GRIA2: variants seen among roughly 807,000 people sequenced by gnomAD.
GRIA2 encodes glutamate ionotropic receptor AMPA type subunit 2.
In GRIA2, 14 loss-of-function variants were observed where a neutral mutation model predicts 97.3. That is an observed-to-expected ratio of 0.14 (90% CI 0.10 to 0.23). GRIA2 has a LOEUF of 0.23. Among genes scored for constraint, GRIA2 ranks in the 10% least tolerant of loss-of-function variants. GRIA2 has a pLI of 1.00. For synonymous variants in GRIA2, 412 were observed against 387.8 expected (o/e 1.06, Z -0.73); for missense variants, 558 against 1,069.8 (o/e 0.52, Z 6.67).
intron 3 of GRIA2, among the ~76,000 whole-genome samples, chr4:157,307,046 A>G (rs1323178006): frequency 6.6e-6 from 1 of 152,080 alleles, no homozygotes; most frequent in African/African-American, 2.4e-5. Context: ...TTATGTGATT[A>G]TTTTTAGGCT....
At chr4:157,232,030 C>T (rs1342290511) in intron 2 of GRIA2, among the ~76,000 whole-genome samples, 6 of 152,000 alleles carry the variant, frequency 3.9e-5, no homozygotes, top group East Asian at 1.9e-4. Flanking sequence ...GACTAAAATA[C>T]GGAACACAGT....
chr4:157,333,210 T>C (rs372589339), intron 7 of GRIA2, 39 bp from the exon 8 acceptor site: 4 of 1,197,172 alleles, frequency 3.3e-6, no homozygotes, highest in Non-Finnish European at 4.8e-6. Flanking sequence ...TTGGTTGAAG[T>C]AAATATATAA....
At chr4:157,300,777 G>T (rs911183104) in intron 2 of GRIA2, among the ~76,000 whole-genome samples, 2 of 152,076 alleles carry the variant, frequency 1.3e-5, no homozygotes, top group Non-Finnish European at 2.9e-5. Flanking sequence ...TGAGTTAGGT[G>T]GATCATTCCT....
At chr4:157,337,976 G>C (rs952961993) in intron 11 of GRIA2, among the ~76,000 whole-genome samples, 4 of 135,344 alleles carry the variant, frequency 3.0e-5, no homozygotes, top group African/African-American at 5.6e-5. Flanking sequence ...AATGGAATTT[G>C]CACAGCATGA....
At chr4:157,275,825 T>C (rs546260514) in intron 2 of GRIA2, among the ~76,000 whole-genome samples, 1 of 152,282 alleles carries the variant, frequency 6.6e-6, no homozygotes, top group African/African-American at 2.4e-5. Flanking sequence ...TTTTTTCTTT[T>C]GGCTTAGGAT....
intron 2 of GRIA2, among the ~76,000 whole-genome samples, chr4:157,227,858 A>G (rs1474971619): frequency 6.6e-6 from 1 of 152,192 alleles, no homozygotes; most frequent in East Asian, 1.9e-4. Context: ...TGCTGAATTC[A>G]ATGTTAAAAT....
In GRIA2 at chr4:157,341,381, C is replaced by T. The variant is rs972200439; in HGVS notation, c.1962C>T (p.Ile654=). ...CTGTAGAGAGGATGGTGTCTCCCAT[C>T]GAAAGTGCTGAGGATCTTTCTAAGC... ...FLTVERMVSP[I]ESAEDLSKQT... is the part of the protein sequence containing the mutation. The change falls in exon 12 of 16, where the codon ATC becomes ATT. Residue 654 remains isoleucine, a synonymous_variant. Transcript: ENST00000264426. The T allele has an allele frequency of 6.2e-6, 10 of 1,612,030 alleles. No individual in the cohort carries two copies. The highest frequency in any genetic ancestry group is 5.3e-5 in the African/African-American group (4 of 74,802).
chr4:157,341,444 C>A lies in GRIA2; in HGVS notation c.2025C>A (p.Ser675=), dbSNP rs1378133788. 6.2e-7 allele frequency: 1 copy of A among 1,608,656 alleles called. No homozygotes were observed. Among genetic ancestry groups the A allele is most frequent in the South Asian group, 1.1e-5 (1 of 90,992 alleles). Residue 675 remains serine (S), a synonymous_variant, in exon 12 of 16, where the codon TCC becomes TCA. Transcript: ENST00000264426. ...EIAYGTLDSG[S]TKEFFRRSKI... is the part of the protein sequence containing the mutation. Reference sequence around the variant, plus strand: ...CTTATGGAACATTAGACTCTGGCTCCACTAAAGAGTTTTTCAGGGTAAGAG... The same window carrying A: ...CTTATGGAACATTAGACTCTGGCTCAACTAAAGAGTTTTTCAGGGTAAGAG...
intron 12 of GRIA2, among the ~76,000 whole-genome samples, chr4:157,359,421 T>A (rs1736539300): frequency 6.6e-6 from 1 of 152,140 alleles, no homozygotes; most frequent in Non-Finnish European, 1.5e-5. Context: ...TCCAGCGTAA[T>A]ATTATCTTTA....
intron 2 of GRIA2, among the ~76,000 whole-genome samples, chr4:157,279,504 A>G (rs753791902): frequency 6.6e-6 from 1 of 152,102 alleles, no homozygotes; most frequent in African/African-American, 2.4e-5. Context: ...TTATGTTTCA[A>G]TGTAGATTCA....
intron 2 of GRIA2, among the ~76,000 whole-genome samples, chr4:157,228,056 A>G (rs1013522307): frequency 6.6e-6 from 1 of 152,218 alleles, no homozygotes; most frequent in African/African-American, 2.4e-5. Context: ...TAACTTATAG[A>G]ATGAAAACAT....
chr4:157,275,976 T>C (rs1732290157), intron 2 of GRIA2, among the ~76,000 whole-genome samples: 1 of 152,154 alleles, frequency 6.6e-6, no homozygotes, highest in African/African-American at 2.4e-5. Context: ...TTTCACTACA[T>C]TGATTCTTCC....
At chr4:157,266,421 G>A (rs1301980086) in intron 2 of GRIA2, among the ~76,000 whole-genome samples, 1 of 152,088 alleles carries the variant, frequency 6.6e-6, no homozygotes, top group Non-Finnish European at 1.5e-5. Context: ...AGAGCATCCA[G>A]GAAAGTAGGA....
intron 2 of GRIA2, among the ~76,000 whole-genome samples, chr4:157,237,402 C>A (rs1730302605): frequency 1.3e-5 from 2 of 151,258 alleles, no homozygotes; most frequent in Non-Finnish European, 1.5e-5. Flanking sequence ...TCAGGTTATT[C>A]TTCTGCTTCA....
At chr4:157,355,600 A>ATATTAATATATATT (rs1736221168) in intron 12 of GRIA2, among the ~76,000 whole-genome samples, 1 of 102,614 alleles carries the variant, frequency 9.7e-6, no homozygotes, top group South Asian at 2.8e-4. Flanking sequence ...ATTTATATAT[A>ATATTAATATATATT]TATTTATATA....
intron 3 of GRIA2, among the ~76,000 whole-genome samples, chr4:157,306,309 G>A (rs1733843286): frequency 6.6e-6 from 1 of 152,064 alleles, no homozygotes; most frequent in Non-Finnish European, 1.5e-5. Context: ...TCAAAAGACA[G>A]GCTCTGGAAT....
At chr4:157,354,357 C>T (rs189836873) in intron 12 of GRIA2, among the ~76,000 whole-genome samples, 60 of 152,166 alleles carry the variant, frequency 3.9e-4, no homozygotes, top group Admixed American at 3.9e-3. Context: ...ATTATTCAGG[C>T]GTGCTTAATT....
chr4:157,276,599 T>G (rs187936227), intron 2 of GRIA2, among the ~76,000 whole-genome samples: 207 of 151,936 alleles, frequency 1.4e-3, no homozygotes, highest in African/African-American at 4.7e-3. Context: ...AAAAGGTGTT[T>G]TTTTAATTTT....
intron 9 of GRIA2, chr4:157,334,562 C>A (rs1258854712): frequency 6.4e-6 from 1 of 155,318 alleles, no homozygotes; most frequent in African/African-American, 2.4e-5. Flanking sequence ...CTTGTTTTTA[C>A]TCCAAATTTC....
Sources: gnomAD v4.1 joint callset for allele counts (sites outside exome capture counted in the v4.1 genomes callset) on GRCh38, gnomAD v4.1.1 for gene constraint, MANE v1.5 for transcripts, NCBI Gene and HGNC (gene_info 2026-07-23, HGNC 2026-07-21) for gene names.